Variants in MACROD1 observed in about 807,000 individuals in gnomAD.
MACROD1 encodes the protein mono-ADP ribosylhydrolase 1.
MACROD1 carries 31 observed loss-of-function variants against 41.4 expected under a neutral mutation model. The observed-to-expected ratio is 0.75, with a 90% CI of 0.56 to 1.01. The LOEUF is 1.01. MACROD1 is among the 50% of genes least tolerant of loss of function. The probability of loss-of-function intolerance (pLI) is 0.00; values close to 1 mark genes in which losing one functional copy is unlikely to be tolerated. For missense variants in MACROD1, 473 were observed against 460.0 expected (o/e 1.03, Z -0.26); for synonymous variants, 252 against 203.4 (o/e 1.24, Z -2.03).
At chr11:64,132,270 T>C (rs185347732) in intron 3 of MACROD1, among the ~76,000 whole-genome samples, 35 of 151,940 alleles carry the variant, frequency 2.3e-4, no homozygotes, top group African/African-American at 6.5e-4. Context: ...ATTAAGCCTA[T>C]TATGGAGGCT....
At chr11:64,063,990 C>T (rs559915143) in intron 3 of MACROD1, among the ~76,000 whole-genome samples, 14 of 152,294 alleles carry the variant, frequency 9.2e-5, no homozygotes, top group African/African-American at 3.4e-4. Context: ...AGTGACGGCT[C>T]CTCTTGTCAG....
chr11:64,074,192 G>A (rs951015460), intron 3 of MACROD1, among the ~76,000 whole-genome samples: 12 of 152,218 alleles, frequency 7.9e-5, no homozygotes, highest in African/African-American at 2.9e-4. Context: ...TGGGGAAACC[G>A]AGGCAGAGAG....
chr11:64,132,360 T>C (rs1382324859), intron 3 of MACROD1, among the ~76,000 whole-genome samples: 1 of 145,100 alleles, frequency 6.9e-6, no homozygotes, highest in Non-Finnish European at 1.5e-5. Context: ...ATGTCCAGGC[T>C]GAGCCAAGAG....
chr11:64,016,234 A>G (rs1943079939), intron 3 of MACROD1, among the ~76,000 whole-genome samples: 1 of 152,234 alleles, frequency 6.6e-6, no homozygotes, highest in Admixed American at 6.5e-5. Context: ...TAGGAATGCC[A>G]GAGCTGTGCA....
rs1014661219 is a variant in MACROD1, at chr11:64,102,295, A to T, written c.517+48944T>A. On this transcript the variant is annotated intron_variant, in intron 3 of 10. Transcript: ENST00000255681. ...GGGAGGGCTCGGGGTTTTGTTTTGG[A>T]TTCCAGAACAGCCTGCCCTGCCCTC... is the stretch of plus-strand genomic sequence containing the variant. 2.0e-5 allele frequency among the ~76,000 whole-genome samples: 3 copies of T among 152,214 alleles called. No homozygotes were observed. The East Asian group carries it at 5.8e-4, about 29-fold the overall frequency.
At chr11:64,116,490 A>G (rs370385785) in intron 3 of MACROD1, 2 of 1,613,792 alleles carry the variant, frequency 1.2e-6, no homozygotes, top group East Asian at 2.2e-5. Flanking sequence ...ACTCACATCC[A>G]TCCCCGCAGA....
At chr11:64,028,464 A>T (rs1165267079) in intron 3 of MACROD1, among the ~76,000 whole-genome samples, 2 of 152,204 alleles carry the variant, frequency 1.3e-5, no homozygotes, top group East Asian at 3.9e-4. Flanking sequence ...CGGTGGAGGG[A>T]GGTGGGAGGC....
intron 3 of MACROD1, among the ~76,000 whole-genome samples, chr11:64,016,673 G>C (rs548580344): frequency 6.6e-6 from 1 of 152,382 alleles, no homozygotes; most frequent in South Asian, 2.1e-4. Flanking sequence ...ACCCAGGGCT[G>C]CAAGTTGCCA....
intron 1 of MACROD1, among the ~76,000 whole-genome samples, chr11:64,164,153 G>A (rs1268252526): frequency 6.6e-6 from 1 of 152,204 alleles, no homozygotes; most frequent in Non-Finnish European, 1.5e-5. Flanking sequence ...ATGAGGGCAG[G>A]GCCCTTGCCT....
At chr11:64,011,809 G>A (rs367807828) in intron 4 of MACROD1, among the ~76,000 whole-genome samples, 55 of 152,158 alleles carry the variant, frequency 3.6e-4, no homozygotes, top group African/African-American at 1.2e-3. Flanking sequence ...GATGTCCAGG[G>A]ACCCCACGGG....
At chr11:64,112,703 G>A (rs1435842741) in intron 3 of MACROD1, among the ~76,000 whole-genome samples, 1 of 152,198 alleles carries the variant, frequency 6.6e-6, no homozygotes, top group Admixed American at 6.5e-5. Flanking sequence ...TCCAGGCAGA[G>A]AGCACAGCAC....
rs1182279837 is a variant in MACROD1 at position 64,067,816 on chromosome 11, C to G, written c.518-52535G>C. Among the ~76,000 whole-genome samples the G allele has an allele frequency of 6.6e-6, 1 of 152,168 alleles. No homozygotes were observed. Among genetic ancestry groups the G allele is most frequent in the Non-Finnish European group, 1.5e-5 (1 of 68,036 alleles). ...CTGAGGGGCGGCTGTGCCACCCCCA[C>G]ACTCCTGAAATGGGTGATGAGGGGG... On this transcript the variant is annotated intron_variant, in intron 3 of 10. Transcript: ENST00000255681. This position sits in a 1 kb window ranked among gnomAD's most constrained non-coding sequence, Gnocchi z 4.6.
At position 64,142,512 on chromosome 11, in the gene MACROD1, C is replaced by A. The variant is rs367571882; in HGVS notation, c.517+8727G>T. Among the ~76,000 whole-genome samples, 190 of 152,272 alleles carry A rather than the reference C, an allele frequency of 1.2e-3. 1 individual carries two copies. In the South Asian group the frequency reaches 0.026, roughly 21 times the overall value. On this transcript the variant is annotated intron_variant, in intron 3 of 10. Coordinates refer to ENST00000255681, the MANE Select transcript of MACROD1 (RefSeq NM_014067.4). ...GCGGAAGACCTTGGGGTGGAAGGACCCTGGAAGGTCCTTTCTGAGTGCCGC... is the reference window on the plus strand; with the variant it reads ...GCGGAAGACCTTGGGGTGGAAGGACACTGGAAGGTCCTTTCTGAGTGCCGC...
At chr11:64,158,757 C>T (rs778465290) in intron 1 of MACROD1, among the ~76,000 whole-genome samples, 1 of 152,182 alleles carries the variant, frequency 6.6e-6, no homozygotes, top group Non-Finnish European at 1.5e-5. Flanking sequence ...GATGATACAG[C>T]GCCAGATACC....
At chr11:64,151,004 C>T (rs537543145) in intron 3 of MACROD1, among the ~76,000 whole-genome samples, 11 of 152,324 alleles carry the variant, frequency 7.2e-5, no homozygotes, top group Non-Finnish European at 1.0e-4. Flanking sequence ...CCCCCTTCCC[C>T]GGCCACTAAT....
intron 3 of MACROD1, among the ~76,000 whole-genome samples, chr11:64,097,284 A>G (rs748100434): frequency 6.6e-6 from 1 of 152,218 alleles, no homozygotes; most frequent in Non-Finnish European, 1.5e-5. Flanking sequence ...TCTGCGCCCA[A>G]TTTGGGCTTC....
intron 3 of MACROD1, among the ~76,000 whole-genome samples, chr11:64,065,159 C>G (rs1943973760): frequency 6.6e-6 from 1 of 152,120 alleles, no homozygotes; most frequent in Non-Finnish European, 1.5e-5. Flanking sequence ...TAGAAGTGGC[C>G]CAGGGAACGG....
In MACROD1 at chr11:64,159,538, T is replaced by C. The variant is rs533636061; in HGVS notation, c.298+6159A>G. On this transcript the variant is annotated intron_variant, in intron 1 of 10. Coordinates refer to ENST00000255681, the MANE Select transcript of MACROD1 (RefSeq NM_014067.4). ...GGCCAGGCACGGTGGCTCACTCCTG[T>C]AATCCCAGCACTTCAGGAGGCCAAG... is the stretch of plus-strand genomic sequence containing the variant. Among the ~76,000 whole-genome samples the C allele has an allele frequency of 4.7e-5, 7 of 149,606 alleles. No homozygotes were observed. The South Asian group carries it at 1.3e-3, about 27-fold the overall frequency.
chr11:64,057,828 C>A (rs1423757754), intron 3 of MACROD1, among the ~76,000 whole-genome samples: 1 of 152,250 alleles, frequency 6.6e-6, no homozygotes, highest in Non-Finnish European at 1.5e-5. Context: ...CAGCAGGCAG[C>A]AGCACCCCTT....
Sources: allele counts gnomAD v4.1 joint callset (sites outside exome capture counted in the v4.1 genomes callset), GRCh38; gene constraint gnomAD v4.1.1; non-coding constraint Gnocchi (gnomAD v3.1); transcripts MANE v1.5; gene names NCBI Gene and HGNC (gene_info 2026-07-23, HGNC 2026-07-21).